The following PCLO variants were observed in gnomAD, a reference collection of about 807,000 sequenced individuals.
PCLO encodes the protein protein piccolo.
A neutral mutation model predicts 427.5 loss-of-function variants in PCLO; 82 were observed. The ratio of observed to expected loss-of-function variants is 0.19; its 90% confidence interval spans 0.16 to 0.23. The LOEUF is 0.23. PCLO is among the 10% of genes least tolerant of loss of function. The probability of loss-of-function intolerance (pLI) is 1.00; values close to 1 mark genes in which losing one functional copy is unlikely to be tolerated. For missense variants in PCLO, 6,239 were observed against 6,115.9 expected, an observed-to-expected ratio of 1.02 and a Z score of -0.67; for synonymous variants, 2,357 against 2,155.4, an observed-to-expected ratio of 1.09 and a Z score of -2.59.
intron 22 of PCLO, among the ~76,000 whole-genome samples, chr7:82,768,126 T>G (rs1340230785): frequency 1.3e-5 from 2 of 152,054 alleles, no homozygotes; most frequent in Non-Finnish European, 2.9e-5. Context: ...AATTTAAAAT[T>G]AAAACATAGT....
chr7:82,810,387 T>G (rs1724650093), intron 20 of PCLO, among the ~76,000 whole-genome samples: 1 of 151,654 alleles, frequency 6.6e-6, no homozygotes, highest in Admixed American at 6.6e-5. Context: ...AAGATACATC[T>G]TTGGGGCCAT....
intron 3 of PCLO, among the ~76,000 whole-genome samples, chr7:83,039,870 A>C (rs147006686): frequency 6.6e-6 from 1 of 152,282 alleles, no homozygotes; most frequent in African/African-American, 2.4e-5. Context: ...TTTTCAGAGT[A>C]TAAGTTTGTA....
chr7:82,880,330 G>T, intron 9 of PCLO: 1 of 354,538 alleles, frequency 2.8e-6, no homozygotes, highest in South Asian at 2.2e-5. Flanking sequence ...ATGCATAGTG[G>T]TTTTAAGACC....
At chr7:82,932,093 C>A (rs1009271595) in intron 6 of PCLO, among the ~76,000 whole-genome samples, 4 of 152,066 alleles carry the variant, frequency 2.6e-5, no homozygotes, top group Admixed American at 2.6e-4. Context: ...CAGCAATTAT[C>A]AGGGATTTGA....
At chr7:83,082,603 T>A (rs1790129369) in intron 3 of PCLO, among the ~76,000 whole-genome samples, 1 of 151,670 alleles carries the variant, frequency 6.6e-6, no homozygotes, top group African/African-American at 2.4e-5. Flanking sequence ...ACAGTTAACA[T>A]CAATTTATTA....
In PCLO at chr7:83,155,349, G is replaced by A; in HGVS notation, c.1292C>T (p.Ala431Val). The A allele has an allele frequency of 6.2e-7, 1 of 1,613,756 alleles. No individual in the cohort carries two copies. The highest frequency in any genetic ancestry group is 8.5e-7 in the Non-Finnish European group (1 of 1,179,846). The change falls in exon 2 of 25, where the codon GCT becomes GTT. Residue 431 changes from alanine to valine, a missense_variant. Ala to Val is a moderately conservative substitution (Grantham distance 64, BLOSUM62 0). This residue lies in a region of PCLO where 4,677 missense variants were observed against 4,468.4 expected (regional missense o/e 1.05). Transcript: ENST00000333891. ...AGTCTTTGTAGGCCCAGGTGCCTTAGCTGGAGACTGTAGCCCAGGTTGTTG... is the reference window on the plus strand; with the variant it reads ...AGTCTTTGTAGGCCCAGGTGCCTTAACTGGAGACTGTAGCCCAGGTTGTTG... ...LAQQPGLQSP[A>V]KAPGPTKTPV... is the part of the protein sequence containing the mutation.
intron 3 of PCLO, among the ~76,000 whole-genome samples, chr7:83,102,813 T>C (rs1790767805): frequency 6.6e-6 from 1 of 151,934 alleles, no homozygotes; most frequent in South Asian, 2.1e-4. Context: ...TTTGATATAG[T>C]TCATTATGAT....
intron 3 of PCLO, among the ~76,000 whole-genome samples, chr7:83,077,651 A>C (rs1032098262): frequency 3.3e-5 from 5 of 152,130 alleles, no homozygotes; most frequent in Non-Finnish European, 7.3e-5. Flanking sequence ...GTTCAGTCAA[A>C]TGAGAAGCAC....
rs1262937970 is a variant in PCLO, at chr7:83,084,600, T to C, written c.3300+49650A>G. ...ATAAATGTTATTATGTTGTTAACTA[T>C]GGAAAAAATACTTCTGTAAGTATAG... is the stretch of plus-strand genomic sequence containing the variant. On this transcript the variant is annotated intron_variant, in intron 3 of 24. Coordinates refer to ENST00000333891, the MANE Select transcript of PCLO (RefSeq NM_033026.6). Among the ~76,000 whole-genome samples, 4 of 152,284 alleles carry C rather than the reference T, an allele frequency of 2.6e-5. No individual in the cohort carries two copies. In the East Asian group the frequency reaches 5.8e-4, roughly 22 times the overall value.
At chr7:82,987,040 G>A (rs903889324) in intron 3 of PCLO, among the ~76,000 whole-genome samples, 8 of 151,882 alleles carry the variant, frequency 5.3e-5, no homozygotes, top group Non-Finnish European at 7.4e-5. Flanking sequence ...ATGCCATTTC[G>A]TCAGATTAAC....
At chr7:82,842,776 C>A (rs1244516622) in intron 13 of PCLO, among the ~76,000 whole-genome samples, 2 of 151,912 alleles carry the variant, frequency 1.3e-5, no homozygotes, top group Non-Finnish European at 2.9e-5. Flanking sequence ...CAGAAGAAGA[C>A]ATACAAAGGA....
At chr7:83,146,265 G>A (rs1791991092) in intron 2 of PCLO, among the ~76,000 whole-genome samples, 1 of 152,140 alleles carries the variant, frequency 6.6e-6, no homozygotes, top group Admixed American at 6.6e-5. Context: ...CACTAAGAGT[G>A]GACATATGTG....
intron 22 of PCLO, among the ~76,000 whole-genome samples, chr7:82,777,883 CA>C (rs1470654750): frequency 6.6e-6 from 1 of 151,958 alleles, no homozygotes; most frequent in Non-Finnish European, 1.5e-5. Flanking sequence ...ATGAAGACGC[CA>C]AAAGCAATTG....
intron 19 of PCLO, 68 bp downstream of exon 19, chr7:82,824,168 C>G (rs1791869600): frequency 4.8e-6 from 5 of 1,032,796 alleles, no homozygotes; most frequent in South Asian, 1.7e-5. Context: ...TACAAACATT[C>G]ACACTAAGAA....
chr7:83,050,882 C>T (rs1363871090), intron 3 of PCLO, among the ~76,000 whole-genome samples: 1 of 151,980 alleles, frequency 6.6e-6, no homozygotes, highest in Admixed American at 6.6e-5. Flanking sequence ...CACTGCACTC[C>T]AGCCTGGGCG....
At chr7:83,009,066 T>C (rs1788016611) in intron 3 of PCLO, among the ~76,000 whole-genome samples, 2 of 151,842 alleles carry the variant, frequency 1.3e-5, no homozygotes, top group African/African-American at 4.8e-5. Flanking sequence ...CCTTAATTCA[T>C]TTTAACTTAT....
At chr7:82,821,013 T>C in intron 20 of PCLO, 1 of 1,215,510 alleles carries the variant, frequency 8.2e-7, no homozygotes, top group Non-Finnish European at 1.0e-6. Context: ...AAAAAGTGGA[T>C]AAACATATTT....
At chr7:82,959,430 A>G (rs1795606413) in intron 4 of PCLO, among the ~76,000 whole-genome samples, 2 of 152,226 alleles carry the variant, frequency 1.3e-5, no homozygotes, top group African/African-American at 4.8e-5. Flanking sequence ...ATATGCATAT[A>G]TGAAAGAAAT....
Position 82,954,122 on chromosome 7 carries a change from T to A in PCLO, c.6831A>T (p.Val2277=). Reference sequence around the variant, plus strand: ...CAACTGGCCCTTCAGGTTTAGGTACTACAGATTCTATGATAGAAGATGCCA... The same window carrying A: ...CAACTGGCCCTTCAGGTTTAGGTACAACAGATTCTATGATAGAAGATGCCA... ...SDMASSIIES[V]VPKPEGPVAD... Residue 2277 remains valine, a synonymous_variant, in exon 5 of 25, where the codon GTA becomes GTT. Coordinates refer to ENST00000333891, the MANE Select transcript of PCLO (RefSeq NM_033026.6). The A allele has an allele frequency of 6.2e-7, 1 of 1,613,914 alleles. No individual in the cohort carries two copies. The highest frequency in any genetic ancestry group is 8.5e-7 in the Non-Finnish European group (1 of 1,179,854).
Sources: allele counts gnomAD v4.1 joint callset (sites outside exome capture counted in the v4.1 genomes callset), GRCh38; gene constraint gnomAD v4.1.1; regional missense constraint gnomAD v4.1.1; transcripts MANE v1.5; gene names NCBI Gene and HGNC (gene_info 2026-07-23, HGNC 2026-07-21).